Variants in ATG7 observed in about 807,000 individuals in gnomAD.
ATG7 encodes ubiquitin-like modifier-activating enzyme ATG7.
Under a neutral mutation model 82.4 loss-of-function variants are expected in ATG7, and 70 were observed. The observed-to-expected ratio is 0.85, with a 90% confidence interval of 0.70 to 1.04. The LOEUF (loss-of-function observed/expected upper bound fraction) is 1.04, where lower values mean the gene tolerates loss of function less well. Ranked by LOEUF, ATG7 falls within the 50% of genes least tolerant of loss-of-function variation. The pLI is 0.00. For synonymous variants in ATG7, 287 were observed against 313.0 expected, an observed-to-expected ratio of 0.92 and a Z score of 0.88; for missense variants, 792 against 864.3, an observed-to-expected ratio of 0.92 and a Z score of 1.05.
At chr3:11,535,827 G>T (rs1011508620) in intron 20 of ATG7, among the ~76,000 whole-genome samples, 25 of 152,296 alleles carry the variant, frequency 1.6e-4, no homozygotes, top group African/African-American at 6.0e-4. Context: ...TGCCAGCTTC[G>T]CACCCTTGCT....
At chr3:11,400,359 G>A (rs921153747) in intron 19 of ATG7, among the ~76,000 whole-genome samples, 1 of 149,992 alleles carries the variant, frequency 6.7e-6, no homozygotes, top group African/African-American at 2.5e-5. Flanking sequence ...GATAATAGGG[G>A]TAGGCCAATA....
At chr3:11,392,588 C>T (rs1432710696) in intron 19 of ATG7, among the ~76,000 whole-genome samples, 2 of 152,122 alleles carry the variant, frequency 1.3e-5, no homozygotes, top group East Asian at 3.8e-4. Context: ...ACCCACACCC[C>T]AAGGCTGTCT....
At chr3:11,324,635 G>C (rs1950613476) in intron 9 of ATG7, among the ~76,000 whole-genome samples, 1 of 151,938 alleles carries the variant, frequency 6.6e-6, no homozygotes, top group Admixed American at 6.6e-5. Context: ...AGTCTTTTCT[G>C]CTCAAAAAAA....
intron 3 of ATG7, among the ~76,000 whole-genome samples, chr3:11,293,443 A>G (rs890614271): frequency 6.6e-6 from 1 of 151,802 alleles, no homozygotes; most frequent in South Asian, 2.1e-4. Flanking sequence ...AGGCAGGAGA[A>G]TCACTTGAAC....
At chr3:11,541,781 C>A (rs951103627) in intron 20 of ATG7, among the ~76,000 whole-genome samples, 22 of 152,314 alleles carry the variant, frequency 1.4e-4, no homozygotes, top group African/African-American at 5.3e-4. Context: ...GTAAAAGTGC[C>A]TGCCTTTTTA....
intron 20 of ATG7, among the ~76,000 whole-genome samples, chr3:11,474,884 G>T (rs2087956885): frequency 6.6e-6 from 1 of 152,124 alleles, no homozygotes; most frequent in Non-Finnish European, 1.5e-5. Flanking sequence ...GGGGGCCGGA[G>T]CCAGTATGGC....
chr3:11,501,016 A>C (rs1559758726), intron 20 of ATG7, among the ~76,000 whole-genome samples: 1 of 152,224 alleles, frequency 6.6e-6, no homozygotes, highest in Non-Finnish European at 1.5e-5. Flanking sequence ...GCACTTTGGG[A>C]AGCCAAGGTG....
chr3:11,405,283 C>G (rs1308397620), intron 19 of ATG7, among the ~76,000 whole-genome samples: 11 of 152,142 alleles, frequency 7.2e-5, no homozygotes, highest in Admixed American at 7.2e-4. Flanking sequence ...ACCCCCACCC[C>G]CTTGCCCCCA....
intron 9 of ATG7, among the ~76,000 whole-genome samples, chr3:11,316,459 C>G (rs774197619): frequency 6.6e-6 from 1 of 152,196 alleles, no homozygotes; most frequent in Non-Finnish European, 1.5e-5. Flanking sequence ...CTAAGAAATT[C>G]TCTCTGTCTT....
intron 14 of ATG7, chr3:11,348,705 G>T (rs2152790265): frequency 6.6e-6 from 1 of 152,396 alleles, no homozygotes; most frequent in East Asian, 1.9e-4. Context: ...GCTGCTGCTG[G>T]CTGGGGTGGC....
chr3:11,446,720 C>G, intron 20 of ATG7: 1 of 236,178 alleles, frequency 4.2e-6, no homozygotes, highest in South Asian at 4.1e-5. Flanking sequence ...GGGACTCAAC[C>G]TCTAAATCCA....
intron 2 of ATG7, 41 bp from the exon 3 acceptor site, chr3:11,282,152 T>G (rs1943179337): frequency 6.6e-6 from 1 of 152,252 alleles, no homozygotes. Context: ...CTCTCTCCTC[T>G]TTCCCACATT....
intron 18 of ATG7, among the ~76,000 whole-genome samples, chr3:11,367,758 G>A (rs1332553969): frequency 7.4e-6 from 1 of 135,362 alleles, no homozygotes; most frequent in Admixed American, 7.4e-5. Flanking sequence ...TTTGTTTTGG[G>A]TTTTTTTTTT....
chr3:11,422,806 G>A (rs951861281), intron 19 of ATG7, among the ~76,000 whole-genome samples: 3 of 131,952 alleles, frequency 2.3e-5, no homozygotes, highest in Non-Finnish European at 4.6e-5. Flanking sequence ...AGGCTGGAGT[G>A]CAGTGTGGCG....
At chr3:11,295,017 C>A (rs1945637461) in intron 3 of ATG7, among the ~76,000 whole-genome samples, 1 of 152,142 alleles carries the variant, frequency 6.6e-6, no homozygotes, top group South Asian at 2.1e-4. Context: ...GAGGCTTAGG[C>A]AGGAGAATTG....
chr3:11,344,740 C>T (rs1448671202), intron 13 of ATG7, among the ~76,000 whole-genome samples: 1 of 152,028 alleles, frequency 6.6e-6, no homozygotes, highest in Non-Finnish European at 1.5e-5. Flanking sequence ...TGTAGTGGCG[C>T]GTGCCTGTAG....
At chr3:11,540,530 A>T (rs959523614) in intron 20 of ATG7, among the ~76,000 whole-genome samples, 1 of 152,026 alleles carries the variant, frequency 6.6e-6, no homozygotes, top group African/African-American at 2.4e-5. Context: ...GGTCCCAGCT[A>T]CTCAGGAGGC....
chr3:11,348,246 G>T lies in ATG7; in HGVS notation c.1284+211G>T, dbSNP rs1052847206. ...ATGGTGGCTCATACCTGCAATCCCA[G>T]TGTGTCTGGAGTTGGTTCCTTCAGT... On this transcript the variant is annotated intron_variant, in intron 14 of 20. Coordinates refer to ENST00000693202, the MANE Select transcript of ATG7 (RefSeq NM_001349232.2). The T allele has an allele frequency of 6.8e-5, 41 of 604,818 alleles. No individual in the cohort carries two copies. In the African/African-American group the frequency reaches 7.5e-4, roughly 11 times the overall value. The allele number at this position is 604,818 out of a possible 1,614,324, so 37.5% of individuals were successfully genotyped here. A position where few individuals can be genotyped will look rare whatever the true frequency, so the allele number is the denominator to read the frequency against.
chr3:11,561,408 A>G (rs2072987804), downstream of ATG7, among the ~76,000 whole-genome samples: 1 of 152,144 alleles, frequency 6.6e-6, no homozygotes, highest in African/African-American at 2.4e-5. Flanking sequence ...TCCTGACCTG[A>G]GCTGGGGCGA....
Sources: gnomAD v4.1 joint callset for allele counts (sites outside exome capture counted in the v4.1 genomes callset) on GRCh38, gnomAD v4.1.1 for gene constraint, MANE v1.5 for transcripts, NCBI Gene and HGNC (gene_info 2026-07-23, HGNC 2026-07-21) for gene names.